Variants in MID1 observed in about 807,000 individuals in gnomAD.
The protein encoded by MID1 is E3 ubiquitin-protein ligase Midline-1.
In MID1, 7 loss-of-function variants were observed where a neutral mutation model predicts 40.4. The observed-to-expected ratio is 0.17, with a 90% CI of 0.10 to 0.33. The LOEUF is 0.33. Ranked by LOEUF, MID1 falls within the 10% of genes least tolerant of loss-of-function variation. The pLI, the probability that MID1 is intolerant of heterozygous loss-of-function variation, is 1.00. For missense variants in MID1, 367 were observed against 558.5 expected (o/e 0.66, Z 3.46); for synonymous variants, 229 against 221.2 (o/e 1.04, Z -0.31).
intron 3 of MID1, among the ~76,000 whole-genome samples, chrX:10,505,048 T>A (rs1403025376): frequency 8.9e-6 from 1 of 112,191 alleles, no homozygotes; most frequent in Non-Finnish European, 1.9e-5. Context: ...GAATGTTTCC[T>A]CATTTGCATA....
chrX:10,547,571 T>TC (rs1421625119), intron 2 of MID1, among the ~76,000 whole-genome samples: 2 of 14,433 alleles, frequency 1.4e-4, no homozygotes, highest in Non-Finnish European at 2.3e-4. Context: ...AGACTCTGTC[T>TC]CAAAAAAAAA....
rs1487414749 is a variant in MID1, at chrX:10,719,333, A to C, written c.-186-98914T>G. Among the ~76,000 whole-genome samples the C allele has an allele frequency of 2.7e-5, 3 of 111,719 alleles. No individual in the cohort carries two copies. In the Admixed American group the frequency reaches 2.8e-4, roughly 11 times the overall value. Reference sequence around the variant, plus strand: ...AGCCCAAAATCTCCTTAAGCTGATAAGCAACTTCAGCAAAGTCTCAGGATA... The same window carrying C: ...AGCCCAAAATCTCCTTAAGCTGATACGCAACTTCAGCAAAGTCTCAGGATA... On this transcript the variant is annotated intron_variant, in intron 1 of 10. Transcript: ENST00000380785.
At chrX:10,451,699 A>T (rs1227223679) in intron 9 of MID1, among the ~76,000 whole-genome samples, 1 of 111,069 alleles carries the variant, frequency 9.0e-6, no homozygotes, top group Non-Finnish European at 1.9e-5. Flanking sequence ...GTCTCATGAG[A>T]TCTGATGGTT....
chrX:10,568,444 C>A (rs1934632777), intron 1 of MID1, among the ~76,000 whole-genome samples: 1 of 111,542 alleles, frequency 9.0e-6, no homozygotes, highest in African/African-American at 3.3e-5. Flanking sequence ...TTTCAGTGGT[C>A]ATCATATTCA....
rs186735279 is a variant in MID1 at position 10,746,214 on chromosome X, C to G, written c.-187+87340G>C. On this transcript the variant is annotated intron_variant, in intron 1 of 10. Transcript: ENST00000380785. The stretch of plus-strand genomic sequence containing the variant: ...GCCAGAGAGACAATGTGGATTGTGA[C>G]TAAAACACAAGATGTATTGACGTAG... Among the ~76,000 whole-genome samples the G allele has an allele frequency of 5.4e-5, 6 of 111,786 alleles. No individual in the cohort carries two copies. The East Asian group carries it at 1.7e-3, about 32-fold the overall frequency.
chrX:10,636,017 A>G (rs1201887661), intron 1 of MID1, among the ~76,000 whole-genome samples: 1 of 112,264 alleles, frequency 8.9e-6, no homozygotes, highest in Non-Finnish European at 1.9e-5. Flanking sequence ...AACTATAGAT[A>G]TTCCATTTAA....
intron 1 of MID1, among the ~76,000 whole-genome samples, chrX:10,701,464 G>T (rs901094697): frequency 8.9e-6 from 1 of 111,831 alleles, no homozygotes; most frequent in African/African-American, 3.3e-5. Flanking sequence ...AATACACAAT[G>T]ATGCCATTCC....
chrX:10,719,939 A>C (rs1395580839), intron 1 of MID1, among the ~76,000 whole-genome samples: 1 of 111,810 alleles, frequency 8.9e-6, no homozygotes, highest in African/African-American at 3.3e-5. Flanking sequence ...CAAAAACAAG[A>C]AATGGGGAAA....
chrX:10,579,764 A>C (rs1376250695), intron 1 of MID1, among the ~76,000 whole-genome samples: 1 of 109,240 alleles, frequency 9.2e-6, no homozygotes, highest in Non-Finnish European at 1.9e-5. Context: ...TCCCCTGATC[A>C]CTGAAGCTCT....
chrX:10,473,736 C>G lies in MID1; in HGVS notation c.1141+887G>C, dbSNP rs996239166. 3.6e-5 allele frequency among the ~76,000 whole-genome samples: 4 copies of G among 112,385 alleles called. No individual in the cohort carries two copies. The Admixed American group carries it at 3.8e-4, about 11-fold the overall frequency. Reference sequence around the variant, plus strand: ...ATCTGGCTTCACTGTGTACATTGTGCTTTCCTGAAGTCGCAGGCACTGGTG... The same window carrying G: ...ATCTGGCTTCACTGTGTACATTGTGGTTTCCTGAAGTCGCAGGCACTGGTG... On this transcript the variant is annotated intron_variant, in intron 6 of 9. Transcript: ENST00000317552.
chrX:10,606,043 T>C (rs1322273397), intron 1 of MID1, among the ~76,000 whole-genome samples: 1 of 111,870 alleles, frequency 8.9e-6, no homozygotes, highest in Non-Finnish European at 1.9e-5. Context: ...TCATGATAAC[T>C]ACTATCCAAA....
intron 8 of MID1, 43 bp from the exon 9 acceptor site, chrX:10,455,120 A>C (rs1928578388): frequency 2.7e-6 from 3 of 1,092,373 alleles, no homozygotes; most frequent in Non-Finnish European, 3.8e-6. Context: ...GAGGAAGAGG[A>C]TTGTTTATTT....
chrX:10,737,625 T>A (rs1221884936), intron 1 of MID1, among the ~76,000 whole-genome samples: 4 of 47,973 alleles, frequency 8.3e-5, no homozygotes, highest in African/African-American at 1.7e-4. Flanking sequence ...TGAAAGGGGG[T>A]GGGGGGAGAG....
intron 3 of MID1, chrX:10,501,570 A>G (rs192431727): frequency 8.8e-7 from 1 of 1,134,982 alleles, no homozygotes; most frequent in East Asian, 3.3e-5. Context: ...CTGATGAAAG[A>G]GATATTACAA....
chrX:10,468,059 T>C (rs766939455), intron 7 of MID1, among the ~76,000 whole-genome samples: 96 of 112,276 alleles, frequency 8.6e-4, no homozygotes, highest in Middle Eastern at 9.1e-3. Flanking sequence ...CCACTCACCA[T>C]TTCTGACCTT....
intron 1 of MID1, among the ~76,000 whole-genome samples, chrX:10,823,130 T>C (rs949005290): frequency 8.9e-6 from 1 of 111,902 alleles, no homozygotes; most frequent in Non-Finnish European, 1.9e-5. Flanking sequence ...CACCATGGAA[T>C]ACTATGCAGC....
At chrX:10,520,662 G>A (rs1932660949) in intron 3 of MID1, among the ~76,000 whole-genome samples, 1 of 111,786 alleles carries the variant, frequency 8.9e-6, no homozygotes, top group Non-Finnish European at 1.9e-5. Flanking sequence ...ATATTTTAGG[G>A]GAGCTGAACT....
intron 9 of MID1, among the ~76,000 whole-genome samples, chrX:10,452,325 G>C (rs1366129571): frequency 8.9e-6 from 1 of 112,024 alleles, no homozygotes; most frequent in African/African-American, 3.2e-5. Flanking sequence ...TAGCATTAGA[G>C]AGTAAGAAAA....
intron 1 of MID1, among the ~76,000 whole-genome samples, chrX:10,687,057 C>T (rs1389182505): frequency 1.8e-5 from 2 of 111,361 alleles, no homozygotes; most frequent in East Asian, 5.6e-4. Context: ...CTTGGAATTG[C>T]CCGTCTAATA....
Sources: gnomAD v4.1 joint callset for allele counts (sites outside exome capture counted in the v4.1 genomes callset) on GRCh38, gnomAD v4.1.1 for gene constraint, MANE v1.5 for transcripts, NCBI Gene and HGNC (gene_info 2026-07-23, HGNC 2026-07-21) for gene names.